The following SLC30A6 variants were observed in gnomAD, a reference collection of about 807,000 sequenced individuals.
SLC30A6 encodes zinc transporter 6.
Under a neutral mutation model 63.0 loss-of-function variants are expected in SLC30A6, and 55 were observed. The observed-to-expected ratio is 0.87, with a 90% confidence interval of 0.70 to 1.09. The LOEUF (loss-of-function observed/expected upper bound fraction) is 1.09, where lower values mean the gene tolerates loss of function less well. SLC30A6 is among the 50% of genes least tolerant of loss of function. The pLI is 0.00. For synonymous variants in SLC30A6, 224 were observed against 186.1 expected (o/e 1.20, Z -1.66); for missense variants, 587 against 549.2 (o/e 1.07, Z -0.69).
At chr2:32,215,516 A>ATTT (rs10681739) in intron 13 of SLC30A6, among the ~76,000 whole-genome samples, 32 of 132,484 alleles carry the variant, frequency 2.4e-4, no homozygotes, top group African/African-American at 7.1e-4. Flanking sequence ...ATATATATAT[A>ATTT]TTTTTTTTTT....
At chr2:32,205,289 C>T (rs766650264) in intron 11 of SLC30A6, among the ~76,000 whole-genome samples, 1 of 152,018 alleles carries the variant, frequency 6.6e-6, no homozygotes, top group East Asian at 1.9e-4. Flanking sequence ...GGCGTGGTGG[C>T]GTGCACCTGT....
In SLC30A6 at chr2:32,171,368, C is replaced by G; in HGVS notation, c.85C>G (p.Arg29Gly). Residue 29 changes from arginine to glycine, a missense_variant, in exon 2 of 14, where the codon CGA (arginine) becomes GGA (glycine). Transcript: ENST00000282587. ...GGAATTTAGACTTGTAGCAGCTGAC[C>G]GAAGGGTAAGTTATTCCTTAACCCC... ...LREFRLVAAD[R>G]RSWKILLFGV... 6.2e-7 allele frequency: 1 copy of G among 1,612,690 alleles called. No individual in the cohort carries two copies. Among genetic ancestry groups the G allele is most frequent in the Non-Finnish European group, 8.5e-7 (1 of 1,179,022 alleles).
intron 13 of SLC30A6, among the ~76,000 whole-genome samples, chr2:32,218,156 C>G (rs551601416): frequency 6.6e-6 from 1 of 152,056 alleles, no homozygotes; most frequent in Non-Finnish European, 1.5e-5. Flanking sequence ...CATGGTGGCT[C>G]ACGCCCGTAA....
intron 10 of SLC30A6, chr2:32,201,645 C>T (rs1178546316): frequency 4.6e-6 from 7 of 1,515,258 alleles, no homozygotes; most frequent in African/African-American, 4.1e-5. Context: ...ACTGGAAGCA[C>T]CCTTGGAGGA....
chr2:32,167,505 A>C (rs973096705), intron 1 of SLC30A6, among the ~76,000 whole-genome samples: 1 of 151,252 alleles, frequency 6.6e-6, no homozygotes, highest in African/African-American at 2.4e-5. Flanking sequence ...ATGCTCTTCC[A>C]TCCCCAGAAT....
At chr2:32,202,610 C>T (rs899854311) in intron 10 of SLC30A6, 12 of 467,332 alleles carry the variant, frequency 2.6e-5, no homozygotes, top group East Asian at 1.0e-4. Context: ...GGATTGCAGG[C>T]GTGAACCACT....
At chr2:32,193,051 C>A in intron 7 of SLC30A6, 98 bp downstream of exon 7, 2 of 762,744 alleles carry the variant, frequency 2.6e-6, no homozygotes, top group Non-Finnish European at 4.1e-6. Context: ...CAGACTGTGG[C>A]AACATAACGT....
chr2:32,192,199 C>T, intron 5 of SLC30A6, 137 bp from the exon 6 acceptor site: 2 of 663,146 alleles, frequency 3.0e-6, no homozygotes, highest in Middle Eastern at 5.3e-4. Flanking sequence ...CCCTAATCTG[C>T]TCTAACAGTG....
At chr2:32,197,971 T>C (rs1683948742) in intron 10 of SLC30A6, 145 bp downstream of exon 10, 4 of 949,088 alleles carry the variant, frequency 4.2e-6, no homozygotes, top group Non-Finnish European at 6.1e-6. Flanking sequence ...CTTAGGTGTC[T>C]TCATCTGAAA....
chr2:32,188,639 A>G (rs1573313295), intron 5 of SLC30A6, among the ~76,000 whole-genome samples: 1 of 152,184 alleles, frequency 6.6e-6, no homozygotes. Context: ...GACTGCAGTG[A>G]GCCAAGATTG....
chr2:32,214,917 T>C (rs1685569393), intron 13 of SLC30A6, among the ~76,000 whole-genome samples: 1 of 152,206 alleles, frequency 6.6e-6, no homozygotes, highest in Non-Finnish European at 1.5e-5. Flanking sequence ...AAATCAAAGA[T>C]GACTTGATTT....
intron 8 of SLC30A6, among the ~76,000 whole-genome samples, chr2:32,194,840 T>G (rs1683636086): frequency 6.6e-6 from 1 of 152,136 alleles, no homozygotes; most frequent in South Asian, 2.1e-4. Context: ...TCACTAGAAT[T>G]TCTTGAAAAA....
At chr2:32,203,633 T>C (rs1293997016) in intron 10 of SLC30A6, 7 of 1,572,996 alleles carry the variant, frequency 4.5e-6, no homozygotes, top group Non-Finnish European at 6.1e-6. Flanking sequence ...AACAGAAAGC[T>C]GAGTAGTAAT....
At position 32,202,012 on chromosome 2, in the gene SLC30A6, T is replaced by C. The variant is rs1008221962; in HGVS notation, c.666-2578T>C. On this transcript the variant is annotated intron_variant, in intron 10 of 13. Coordinates refer to ENST00000282587, the MANE Select transcript of SLC30A6 (RefSeq NM_017964.5). ...AAGAAAAGATCTACTGAATGAGATA[T>C]TGATGAATATGAAAAAAAAAAAGCA... 16 of 1,200,272 alleles carry C rather than the reference T, an allele frequency of 1.3e-5. No homozygotes were observed. In the Admixed American group the frequency reaches 2.3e-4, roughly 17 times the overall value. 74.4% of individuals were successfully genotyped at this position (1,200,272 alleles called of 1,614,324 possible).
intron 5 of SLC30A6, chr2:32,187,066 A>T (rs1682899091): frequency 7.5e-6 from 3 of 397,380 alleles, no homozygotes; most frequent in Middle Eastern, 3.6e-4. Context: ...GACTTTTACA[A>T]TTTATGTAAC....
intron 5 of SLC30A6, among the ~76,000 whole-genome samples, chr2:32,187,760 A>C (rs1182194163): frequency 1.3e-5 from 2 of 152,054 alleles, no homozygotes; most frequent in African/African-American, 4.8e-5. Context: ...TACCATCAGC[A>C]CTCTGTTGCT....
At chr2:32,212,652 A>G (rs1036826461) in intron 13 of SLC30A6, among the ~76,000 whole-genome samples, 1 of 133,408 alleles carries the variant, frequency 7.5e-6, no homozygotes, top group Non-Finnish European at 1.5e-5. Context: ...GACTGAGTGC[A>G]ATGGCTTGAT....
At position 32,171,701 on chromosome 2, in the gene SLC30A6, T is replaced by A. The variant is rs542690090; in HGVS notation, c.90+328T>A. On this transcript the variant is annotated intron_variant, in intron 2 of 13. Transcript: ENST00000282587. ...CCATGTTTTCTCTTTTATTTATTTT[T>A]TTTTTTTTGAGATGAAGTTACACTC... Among the ~76,000 whole-genome samples the A allele has an allele frequency of 5.5e-4, 83 of 152,092 alleles. 1 individual carries two copies. Among genetic ancestry groups the A allele is most frequent in the Admixed American group, 1.7e-3 (26 of 15,280 alleles).
At chr2:32,169,834 A>T (rs937218800) in intron 1 of SLC30A6, among the ~76,000 whole-genome samples, 8 of 152,212 alleles carry the variant, frequency 5.3e-5, no homozygotes, top group African/African-American at 1.7e-4. Flanking sequence ...TTAAAGTATC[A>T]AGAGAAATCA....
Sources: gnomAD v4.1 joint callset for allele counts (sites outside exome capture counted in the v4.1 genomes callset) on GRCh38, gnomAD v4.1.1 for gene constraint, MANE v1.5 for transcripts, NCBI Gene and HGNC (gene_info 2026-07-23, HGNC 2026-07-21) for gene names.